The following STK3 variants were observed in gnomAD, a reference collection of about 807,000 sequenced individuals.
STK3 encodes serine/threonine-protein kinase 3.
A neutral mutation model predicts 58.0 loss-of-function variants in STK3; 41 were observed. The ratio of observed to expected loss-of-function variants is 0.71; its 90% CI spans 0.55 to 0.92. The LOEUF (loss-of-function observed/expected upper bound fraction) is 0.92. STK3 is among the 40% of genes least tolerant of loss of function. STK3 has a pLI of 0.00. For missense variants in STK3, 479 were observed against 602.7 expected, an observed-to-expected ratio of 0.79 and a Z score of 2.15; for synonymous variants, 170 against 191.0, an observed-to-expected ratio of 0.89 and a Z score of 0.91.
chr8:98,850,757 G>A lies in STK3; in HGVS notation c.110+32890C>T, dbSNP rs867478196. Among the ~76,000 whole-genome samples the A allele has an allele frequency of 3.9e-5, 6 of 152,164 alleles. No individual in the cohort carries two copies. The South Asian group carries it at 6.2e-4, about 16-fold the overall frequency. On this transcript the variant is annotated intron_variant, in intron 3 of 12. Transcript: ENST00000523601. ...GAGGCTGGTGAGGAGCACAGGGGCC[G>A]GGTCATCAACCACACCTGTGTGCCT...
chr8:98,543,771 C>T (rs931778768), intron 9 of STK3, among the ~76,000 whole-genome samples: 1 of 152,154 alleles, frequency 6.6e-6, no homozygotes, highest in Admixed American at 6.5e-5. Flanking sequence ...CAGAGAAACA[C>T]AGGCCTCCAG....
chr8:98,901,294 C>A (rs1046816051), intron 1 of STK3, among the ~76,000 whole-genome samples: 1 of 152,178 alleles, frequency 6.6e-6, no homozygotes, highest in African/African-American at 2.4e-5. Context: ...CTTGTAAAGC[C>A]CCTATGCTTT....
chr8:98,407,215 G>A (rs1259500311), intron 3 of STK3, among the ~76,000 whole-genome samples: 2 of 152,206 alleles, frequency 1.3e-5, no homozygotes, highest in Non-Finnish European at 2.9e-5. Context: ...AAGGAAGTTG[G>A]ACCAGGTGAT....
intron 1 of STK3, among the ~76,000 whole-genome samples, chr8:98,814,294 A>G (rs1834405783): frequency 6.7e-6 from 1 of 149,862 alleles, no homozygotes; most frequent in South Asian, 2.1e-4. Context: ...CAGGTGATCC[A>G]CCTGCCTCAA....
At chr8:98,617,866 C>A (rs953034754) in intron 6 of STK3, among the ~76,000 whole-genome samples, 22 of 152,090 alleles carry the variant, frequency 1.4e-4, no homozygotes, top group Admixed American at 1.2e-3. Flanking sequence ...GGATTCACAG[C>A]CGAATTCTAC....
At chr8:98,783,446 C>T (rs762205027) in intron 1 of STK3, among the ~76,000 whole-genome samples, 10 of 152,128 alleles carry the variant, frequency 6.6e-5, no homozygotes, top group South Asian at 2.1e-4. Context: ...AGATTTTAAA[C>T]ACTTTATTGC....
intron 1 of STK3, among the ~76,000 whole-genome samples, chr8:98,890,686 C>T (rs1486390789): frequency 6.6e-6 from 1 of 152,154 alleles, no homozygotes; most frequent in Admixed American, 6.5e-5. Flanking sequence ...CTTGGTAGAA[C>T]ACATAATTCA....
At chr8:98,599,834 G>A (rs1482427040) in intron 6 of STK3, among the ~76,000 whole-genome samples, 1 of 152,044 alleles carries the variant, frequency 6.6e-6, no homozygotes, top group African/African-American at 2.4e-5. Context: ...AGCCAGGCAT[G>A]GTGGCAGGCA....
At chr8:98,711,474 C>T (rs1371436763) in intron 4 of STK3, among the ~76,000 whole-genome samples, 3 of 152,130 alleles carry the variant, frequency 2.0e-5, no homozygotes, top group South Asian at 2.1e-4. Context: ...GGCACGAGAA[C>T]TACGTGACAA....
At chr8:98,850,761 C>G (rs1281432138) in intron 3 of STK3, among the ~76,000 whole-genome samples, 1 of 152,170 alleles carries the variant, frequency 6.6e-6, no homozygotes, top group Non-Finnish European at 1.5e-5. Context: ...GGGGCCGGGT[C>G]ATCAACCACA....
intron 8 of STK3, among the ~76,000 whole-genome samples, chr8:98,577,882 AAG>A (rs1407087756): frequency 2.0e-5 from 3 of 152,174 alleles, no homozygotes; most frequent in African/African-American, 7.2e-5. Flanking sequence ...TTCTAAGAAA[AAG>A]AGTGTTTCAA....
At chr8:98,620,647 C>T (rs1053225905) in intron 6 of STK3, among the ~76,000 whole-genome samples, 2 of 149,522 alleles carry the variant, frequency 1.3e-5, no homozygotes, top group Non-Finnish European at 1.5e-5. Flanking sequence ...CAAAGAAGAA[C>T]AAAAATAAAT....
chr8:98,905,001 T>G, intron 1 of STK3: 1 of 768,406 alleles, frequency 1.3e-6, no homozygotes, highest in Admixed American at 1.7e-5. Flanking sequence ...GTATCGCTTA[T>G]AGTAGTGGAG....
chr8:98,462,674 T>G (rs1029189306), intron 10 of STK3, among the ~76,000 whole-genome samples: 4 of 152,348 alleles, frequency 2.6e-5, no homozygotes, highest in African/African-American at 7.2e-5. Flanking sequence ...ATTGAGATTT[T>G]TCTATGGACC....
intron 4 of STK3, among the ~76,000 whole-genome samples, chr8:98,748,466 C>T (rs1052350227): frequency 2.0e-5 from 3 of 151,990 alleles, no homozygotes; most frequent in African/African-American, 4.8e-5. Flanking sequence ...GTGTACTTCC[C>T]AAATCAAACT....
At chr8:98,601,208 T>G (rs578115792) in intron 6 of STK3, among the ~76,000 whole-genome samples, 7 of 152,146 alleles carry the variant, frequency 4.6e-5, no homozygotes, top group African/African-American at 1.7e-4. Context: ...TTAAAAGTAT[T>G]TAAAAATTAT....
chr8:98,742,270 C>A (rs1048922768), intron 4 of STK3, among the ~76,000 whole-genome samples: 1 of 151,570 alleles, frequency 6.6e-6, no homozygotes, highest in South Asian at 2.1e-4. Context: ...CGGGCAGAAA[C>A]ACAACCAAAA....
intron 1 of STK3, among the ~76,000 whole-genome samples, chr8:98,798,433 TG>T (rs763795719): frequency 3.9e-5 from 6 of 152,202 alleles, no homozygotes; most frequent in Non-Finnish European, 7.3e-5. Context: ...ATAAAGGTAA[TG>T]TTTTTAATCA....
In STK3 at chr8:98,428,220, G is replaced by A. The variant is rs753185856; in HGVS notation, n.483+5907C>T. ...CCGCAACCCTGAGCTCTTCCCCTAC[G>A]TGCTGCATTTCTATCACACCGGCAA... On this transcript the variant is annotated intron_variant and non_coding_transcript_variant, in intron 3 of 3. Coordinates refer to the STK3 transcript ENST00000517832. This position sits in a 1 kb window ranked among gnomAD's most constrained non-coding sequence, Gnocchi z 6.7. 3 of 1,614,066 alleles carry A rather than the reference G, an allele frequency of 1.9e-6. No individual in the cohort carries two copies. The highest frequency in any genetic ancestry group is 1.7e-6 in the Non-Finnish European group (2 of 1,180,016).
Sources: gnomAD v4.1 joint callset for allele counts (sites outside exome capture counted in the v4.1 genomes callset) on GRCh38, gnomAD v4.1.1 for gene constraint, Gnocchi (gnomAD v3.1) non-coding constraint, MANE v1.5 for transcripts, NCBI Gene and HGNC (gene_info 2026-07-23, HGNC 2026-07-21) for gene names.